Variants in GOLGA3 observed in about 807,000 individuals in gnomAD.
GOLGA3 encodes the protein golgin subfamily A member 3.
Under a neutral mutation model 169.4 loss-of-function variants are expected in GOLGA3, and 75 were observed. That is an observed-to-expected ratio of 0.44 (90% CI 0.37 to 0.54). The LOEUF is 0.54. Among genes scored for constraint, GOLGA3 ranks in the 20% least tolerant of loss-of-function variants. GOLGA3 has a pLI of 0.00. For missense variants in GOLGA3, 1,899 were observed against 1,930.0 expected (o/e 0.98, Z 0.30); for synonymous variants, 824 against 822.4 (o/e 1.00, Z -0.03).
rs1167639959 is a variant in GOLGA3 at position 132,796,029 on chromosome 12, C to T, written c.2292G>A (p.Arg764=). The T allele has an allele frequency of 6.2e-7, 1 of 1,612,750 alleles. No individual in the cohort carries two copies. The highest frequency in any genetic ancestry group is 2.2e-5 in the East Asian group (1 of 44,888). Residue 764 remains arginine, a synonymous_variant, in exon 11 of 24, where the codon AGG becomes AGA. Coordinates refer to ENST00000450791, the MANE Select transcript of GOLGA3 (RefSeq NM_001389683.1). ...LGELQGEAAS[R]EDTICLLQNE... ...TCTGCAGGAGGCAGATCGTGTCCTCCCTGGAGGCGGCCTCGCCCTGCAGCT... is the reference window on the plus strand; with the variant it reads ...TCTGCAGGAGGCAGATCGTGTCCTCTCTGGAGGCGGCCTCGCCCTGCAGCT...
In GOLGA3 at chr12:132,805,594, C is replaced by A. The variant is rs191308752; in HGVS notation, c.1291-572G>T. 2.3e-4 allele frequency among the ~76,000 whole-genome samples: 32 copies of A among 141,398 alleles called. No homozygotes were observed. In the East Asian group the frequency reaches 4.7e-3, roughly 21 times the overall value. 92.8% of individuals were successfully genotyped at this position (141,398 alleles called of 152,430 possible). Reference sequence around the variant, plus strand: ...AGGCCTGACAGGGGACCCCGAGACCCCCAGGCGCTCTCCCAAGGCCTGACA... The same window carrying A: ...AGGCCTGACAGGGGACCCCGAGACCACCAGGCGCTCTCCCAAGGCCTGACA... On this transcript the variant is annotated intron_variant, in intron 6 of 23. Coordinates refer to ENST00000450791, the MANE Select transcript of GOLGA3 (RefSeq NM_001389683.1).
At chr12:132,828,687 G>A (rs1950525358) in intron 1 of GOLGA3, 116 bp downstream of exon 1, 1 of 152,942 alleles carries the variant, frequency 6.5e-6, no homozygotes, top group African/African-American at 2.4e-5. Context: ...CCACGCTGCA[G>A]GGACGCGCCC....
intron 8 of GOLGA3, among the ~76,000 whole-genome samples, chr12:132,799,129 C>T (rs1264409173): frequency 2.0e-5 from 3 of 152,146 alleles, no homozygotes; most frequent in Admixed American, 6.5e-5. Flanking sequence ...GTGCACAGTG[C>T]GAGACGTGAC....
chr12:132,822,030 T>C lies in GOLGA3; in HGVS notation c.99A>G (p.Pro33=), dbSNP rs1189235356. 1 of 1,609,786 alleles carries C rather than the reference T, an allele frequency of 6.2e-7. No homozygotes were observed. Among genetic ancestry groups the C allele is most frequent in the South Asian group, 1.1e-5 (1 of 90,750 alleles). Reference sequence around the variant, plus strand: ...TGTCCTGCTGGTCAGGTGGCACCAGTGGGCCCGGGGGCTTCAGTGGGGCCT... The same window carrying C: ...TGTCCTGCTGGTCAGGTGGCACCAGCGGGCCCGGGGGCTTCAGTGGGGCCT... ...LPEAPLKPPG[P]LVPPDQQDKV... Residue 33 remains proline (P), a synonymous_variant, in exon 2 of 24, where the codon CCA becomes CCG. Transcript: ENST00000450791.
At chr12:132,788,445 C>T (rs1265563022) in intron 13 of GOLGA3, among the ~76,000 whole-genome samples, 1 of 152,168 alleles carries the variant, frequency 6.6e-6, no homozygotes, top group African/African-American at 2.4e-5. Flanking sequence ...CTGCGGCCTC[C>T]GTCCCCCGCC....
intron 15 of GOLGA3, among the ~76,000 whole-genome samples, chr12:132,785,509 AATT>A (rs2045850400): frequency 6.6e-6 from 1 of 151,880 alleles, no homozygotes; most frequent in Admixed American, 6.6e-5. Flanking sequence ...TACAGGGTCT[AATT>A]ATGTTGCCCA....
At position 132,777,619 on chromosome 12, in the gene GOLGA3, T is replaced by C. The variant is rs749595726; in HGVS notation, c.3722+47A>G. 14 of 1,607,550 alleles carry C rather than the reference T, an allele frequency of 8.7e-6. No homozygotes were observed. The East Asian group carries it at 1.1e-4, about 13-fold the overall frequency. Reference sequence around the variant, plus strand: ...GAAGGTGTGAATTAGACCCCGCCCATTGCCAGGACAGCCATGTTTGAGGGC... The same window carrying C: ...GAAGGTGTGAATTAGACCCCGCCCACTGCCAGGACAGCCATGTTTGAGGGC... On this transcript the variant is annotated intron_variant, in intron 19 of 23. Transcript: ENST00000450791. This position sits in a 1 kb window ranked among gnomAD's most constrained non-coding sequence, Gnocchi z 4.7.
At chr12:132,826,964 G>T (rs1382363011) in intron 1 of GOLGA3, among the ~76,000 whole-genome samples, 1 of 152,160 alleles carries the variant, frequency 6.6e-6, no homozygotes, top group Admixed American at 6.6e-5. Context: ...GCACTCCTGC[G>T]TCTCTAGAGA....
chr12:132,799,467 G>A (rs1412833409), intron 8 of GOLGA3, among the ~76,000 whole-genome samples: 3 of 152,172 alleles, frequency 2.0e-5, no homozygotes, highest in Non-Finnish European at 2.9e-5. Context: ...GCGAGACCCT[G>A]TCCTTACAGA....
At chr12:132,820,745 G>T (rs1172323279) in intron 2 of GOLGA3, among the ~76,000 whole-genome samples, 1 of 152,122 alleles carries the variant, frequency 6.6e-6, no homozygotes, top group South Asian at 2.1e-4. Context: ...GTAATCCTTA[G>T]ATCTCTACGG....
chr12:132,820,283 G>A (rs552317034), intron 2 of GOLGA3, among the ~76,000 whole-genome samples: 1 of 152,240 alleles, frequency 6.6e-6, no homozygotes, highest in South Asian at 2.1e-4. Flanking sequence ...TGGCTGCCGT[G>A]AGCTATGATT....
In GOLGA3 at chr12:132,786,027, G is replaced by A. The variant is rs140177764; in HGVS notation, c.3123+312C>T. On this transcript the variant is annotated intron_variant, in intron 15 of 23. Transcript: ENST00000450791. ...GGAGGCGCAGAGGCAGCTGGAACGC[G>A]AGCGGACCAGGGCAGGCCCTCCCTC... Among the ~76,000 whole-genome samples the A allele has an allele frequency of 4.8e-3, 731 of 152,328 alleles. 3 individuals carry two copies. Among genetic ancestry groups the A allele is most frequent in the African/African-American group, 0.017 (689 of 41,566 alleles).
rs7976379 is a variant in GOLGA3, at chr12:132,786,790, G to T, written c.2812-3C>A. ...TGCTCCTTATCGAACTGCAACGACT[G>T]TGGAAGGGAAGGAGGGCGTGAGGAG... On this transcript the variant is annotated splice_polypyrimidine_tract_variant and splice_region_variant and intron_variant, in intron 13 of 23. Coordinates refer to ENST00000450791, the MANE Select transcript of GOLGA3 (RefSeq NM_001389683.1). The T allele has an allele frequency of 0.8, 1,279,313 of 1,602,112 alleles. 512,028 individuals are homozygous for T. Among genetic ancestry groups the T allele is most frequent in the East Asian group, 0.96 (42,913 of 44,806 alleles).
At chr12:132,784,939 G>A (rs2045822047) in intron 15 of GOLGA3, among the ~76,000 whole-genome samples, 1 of 152,140 alleles carries the variant, frequency 6.6e-6, no homozygotes, top group Non-Finnish European at 1.5e-5. Context: ...GCAGGCACAG[G>A]TGTGCTCTCA....
chr12:132,773,225 C>G lies in GOLGA3; in HGVS notation c.4377G>C (p.Ser1459=), dbSNP rs749061772. Residue 1459 remains serine (S), a synonymous_variant, in exon 24 of 24, where the codon TCG becomes TCC. Coordinates refer to ENST00000450791, the MANE Select transcript of GOLGA3 (RefSeq NM_001389683.1). ...CAGTGGCTGGCTCCAGCGGCGTCCA[C>G]GAGGACAGAGACTCGTGCACCGTCA... ...HALTVHESLS[S]WTPLEPATAS... 3 of 1,569,066 alleles carry G rather than the reference C, an allele frequency of 1.9e-6. No individual in the cohort carries two copies. In the South Asian group the frequency reaches 3.5e-5, roughly 18 times the overall value.
At chr12:132,803,996 C>T (rs1029365003) in intron 7 of GOLGA3, among the ~76,000 whole-genome samples, 2 of 152,210 alleles carry the variant, frequency 1.3e-5, no homozygotes, top group Non-Finnish European at 1.5e-5. Flanking sequence ...CAGTCTTCTC[C>T]GTGTCTGCTG....
In GOLGA3 at chr12:132,773,207, T is replaced by C; in HGVS notation, c.4395A>G (p.Pro1465=). 1.3e-6 allele frequency: 2 copies of C among 1,582,222 alleles called. No individual in the cohort carries two copies. Among genetic ancestry groups the C allele is most frequent in the African/African-American group, 1.4e-5 (1 of 73,960 alleles). ...ESLSSWTPLE[P]ATASPVPPGG... ...CCGGGGGCACAGGGCTGGCAGTGGC[T>C]GGCTCCAGCGGCGTCCACGAGGACA... Residue 1465 remains proline (P), a synonymous_variant, in exon 24 of 24, where the codon CCA becomes CCG. Transcript: ENST00000450791.
rs568844353 is a variant in GOLGA3 at position 132,826,066 on chromosome 12, C to A, written c.-184+2737G>T. The stretch of plus-strand genomic sequence containing the variant: ...TCCCCTGCTTCAGGGACGTCCAGAT[C>A]GGTGACATCGTCACAGTGGGCGAGT... On this transcript the variant is annotated intron_variant, in intron 1 of 23. Transcript: ENST00000450791. The A allele has an allele frequency of 1.2e-5, 17 of 1,396,154 alleles. No homozygotes were observed. The African/African-American group carries it at 1.7e-4, about 14-fold the overall frequency. The allele number at this position is 1,396,154 out of a possible 1,614,324, so 86.5% of individuals were successfully genotyped here.
At chr12:132,817,217 C>A (rs1338043795) in intron 2 of GOLGA3, among the ~76,000 whole-genome samples, 444 of 127,570 alleles carry the variant, frequency 3.5e-3, no homozygotes, top group Non-Finnish European at 5.5e-3. Context: ...GTGAACCCGC[C>A]CTCCACACCT....
Sources: allele counts gnomAD v4.1 joint callset (sites outside exome capture counted in the v4.1 genomes callset), GRCh38; gene constraint gnomAD v4.1.1; non-coding constraint Gnocchi (gnomAD v3.1); transcripts MANE v1.5; gene names NCBI Gene and HGNC (gene_info 2026-07-23, HGNC 2026-07-21).